The following PCDH10 variants were observed in gnomAD, a reference collection of about 807,000 sequenced individuals.
The protein encoded by PCDH10 is protocadherin-10.
In PCDH10, 15 loss-of-function variants were observed where a neutral mutation model predicts 74.4. The ratio of observed to expected loss-of-function variants is 0.20; its 90% CI spans 0.13 to 0.31. The LOEUF is 0.31. Ranked by LOEUF, PCDH10 falls within the 10% of genes least tolerant of loss-of-function variation. PCDH10 has a pLI of 1.00. For missense variants in PCDH10, 1,260 were observed against 1,390.2 expected, an observed-to-expected ratio of 0.91 and a Z score of 1.49; for synonymous variants, 619 against 589.8, an observed-to-expected ratio of 1.05 and a Z score of -0.72.
At chr4:133,157,657 A>C (rs1421328970) in intron 3 of PCDH10, among the ~76,000 whole-genome samples, 1 of 152,170 alleles carries the variant, frequency 6.6e-6, no homozygotes. Flanking sequence ...CATATTCCAC[A>C]CTATAGTGTA....
intron 3 of PCDH10, among the ~76,000 whole-genome samples, chr4:133,160,781 A>C (rs772628258): frequency 2.0e-5 from 3 of 151,830 alleles, no homozygotes; most frequent in Non-Finnish European, 4.4e-5. Flanking sequence ...TATTAGTTCT[A>C]ATGTATATTG....
Position 133,150,647 on chromosome 4 carries a change from G to A in PCDH10, c.507G>A (p.Leu169=). ...TCACCCCCAACAGCTACTTCTCCCT[G>A]GACGTGCAGACCCAGGGGGATGGCA... ...YEITPNSYFS[L]DVQTQGDGNR... Residue 169 remains leucine, a synonymous_variant, in exon 1 of 5, where the codon CTG becomes CTA. Transcript: ENST00000264360. 1 of 1,613,238 alleles carries A rather than the reference G, an allele frequency of 6.2e-7. No individual in the cohort carries two copies. Among genetic ancestry groups the A allele is most frequent in the Non-Finnish European group, 8.5e-7 (1 of 1,179,984 alleles).
chr4:133,180,457 A>C lies in PCDH10; in HGVS notation c.3104-9684A>C, dbSNP rs148366431. Among the ~76,000 whole-genome samples the C allele has an allele frequency of 1.0e-3, 152 of 152,084 alleles. No homozygotes were observed. In the Middle Eastern group the frequency reaches 0.014, roughly 14 times the overall value. On this transcript the variant is annotated intron_variant, in intron 4 of 4. Transcript: ENST00000264360. ...GCATAAGTTATATTTGTTTTATGGC[A>C]TTGTAGTAATGAATGGGTACATCAG...
In PCDH10 at chr4:133,193,786, A is replaced by T. The variant is rs942076419; in HGVS notation, c.*3626A>T. 2.4e-4 allele frequency: 37 copies of T among 151,702 alleles called. No homozygotes were observed. Among genetic ancestry groups the T allele is most frequent in the African/African-American group, 8.9e-4 (37 of 41,416 alleles). The allele number at this position is 151,702 out of a possible 1,614,324, so 9.4% of individuals were successfully genotyped here. ...ACTTGATGATTTTTCTGAAAATCTT[A>T]TATTTTTCATATTACAAATTCTTGA... On this transcript the variant is annotated 3_prime_UTR_variant, in exon 5 of 5. Transcript: ENST00000264360.
chr4:133,152,205 G>C lies in PCDH10; in HGVS notation c.2065G>C (p.Gly689Arg). ...VDGAVEPQGGGGSGGGGSGEH... is the reference protein window; with the variant it reads ...VDGAVEPQGGRGSGGGGSGEH... ...TGGCGCCGTGGAGCCCCAGGGCGGG[G>C]GCGGGAGCGGAGGCGGAGGGTCAGG... The change falls in exon 1 of 5, where the codon GGC becomes CGC. Residue 689 changes from glycine to arginine, a missense_variant. Transcript: ENST00000264360. 6.3e-7 allele frequency: 1 copy of C among 1,584,388 alleles called. No homozygotes were observed. The highest frequency in any genetic ancestry group is 8.6e-7 in the Non-Finnish European group (1 of 1,165,260).
intron 4 of PCDH10, among the ~76,000 whole-genome samples, chr4:133,179,404 A>G (rs1727362686): frequency 6.6e-6 from 1 of 152,098 alleles, no homozygotes; most frequent in Admixed American, 6.6e-5. Context: ...GTTTTTAAAG[A>G]CTTTTATACT....
Position 133,151,221 on chromosome 4 carries a change from A to G in PCDH10, c.1081A>G (p.Ser361Gly). ...ANDNAPEISF[S>G]TVKEAVSEGA... ...TGACAACGCGCCAGAGATCAGCTTC[A>G]GCACCGTGAAGGAAGCGGTGAGTGA... The change falls in exon 1 of 5, where the codon AGC (serine) becomes GGC (glycine). Residue 361 changes from serine (S) to glycine (G), a missense_variant. This residue lies in a region of PCDH10 where 112 missense variants were observed against 123.6 expected (regional missense o/e 0.91). Coordinates refer to ENST00000264360, the MANE Select transcript of PCDH10 (RefSeq NM_032961.3). The G allele has an allele frequency of 6.2e-7, 1 of 1,613,934 alleles. No individual in the cohort carries two copies. Among genetic ancestry groups the G allele is most frequent in the Non-Finnish European group, 8.5e-7 (1 of 1,179,988 alleles).
chr4:133,197,276 A>G (rs1242360955), downstream of PCDH10, among the ~76,000 whole-genome samples: 1 of 152,190 alleles, frequency 6.6e-6, no homozygotes, highest in Non-Finnish European at 1.5e-5. Context: ...GAAATACTGC[A>G]TATTTGACAG....
At chr4:133,173,876 A>G (rs1727244160) in intron 4 of PCDH10, among the ~76,000 whole-genome samples, 1 of 151,880 alleles carries the variant, frequency 6.6e-6, no homozygotes, top group Admixed American at 6.6e-5. Context: ...TCAAATATAT[A>G]CACATCTAAT....
At chr4:133,162,915 C>A in intron 3 of PCDH10, 62 bp from the exon 4 acceptor site, 1 of 1,399,554 alleles carries the variant, frequency 7.1e-7, no homozygotes, top group South Asian at 1.3e-5. Flanking sequence ...TAATCTTACA[C>A]TGCTAAGTAA....
intron 4 of PCDH10, among the ~76,000 whole-genome samples, chr4:133,183,320 A>T (rs996194638): frequency 6.6e-6 from 1 of 151,980 alleles, no homozygotes; most frequent in East Asian, 1.9e-4. Context: ...CTGTTACCTT[A>T]TGAGAAGGTA....
intron 2 of PCDH10, among the ~76,000 whole-genome samples, chr4:133,200,452 A>G (rs973395237): frequency 8.5e-5 from 13 of 152,148 alleles, no homozygotes; most frequent in Non-Finnish European, 1.5e-4. Context: ...AGATGTAACT[A>G]TTGTAAAAGA....
At chr4:133,169,087 G>A (rs1191742207) in intron 4 of PCDH10, among the ~76,000 whole-genome samples, 1 of 151,524 alleles carries the variant, frequency 6.6e-6, no homozygotes. Context: ...GAGTTAAATT[G>A]TTTCATATTT....
rs1348241878 is a variant in PCDH10, at chr4:133,188,379, C to T, written c.3104-1762C>T. Among the ~76,000 whole-genome samples, 9 of 152,088 alleles carry T rather than the reference C, an allele frequency of 5.9e-5. No individual in the cohort carries two copies. The East Asian group carries it at 1.7e-3, about 29-fold the overall frequency. On this transcript the variant is annotated intron_variant, in intron 4 of 4. Transcript: ENST00000264360. ...GTAAACAAATTTGTTTGAATTATTTCACATATAAGTTTCTCATGAAACAGT... is the reference window on the plus strand; with the variant it reads ...GTAAACAAATTTGTTTGAATTATTTTACATATAAGTTTCTCATGAAACAGT...
Position 133,149,993 on chromosome 4 carries a change from T to G in PCDH10, c.-148T>G. ...AAGCTCTAAAATGAAGCAAAAGGAG[T>G]AAGATTTTTAAAGACAGAAAGCCAC... On this transcript the variant is annotated 5_prime_UTR_variant, in exon 1 of 5. The change abolishes the stop of an existing upstream ORF in the 5' untranslated region. Coordinates refer to ENST00000264360, the MANE Select transcript of PCDH10 (RefSeq NM_032961.3). 9 of 1,155,180 alleles carry G rather than the reference T, an allele frequency of 7.8e-6. No homozygotes were observed. The highest frequency in any genetic ancestry group is 1.0e-5 in the Non-Finnish European group (9 of 873,184). 71.6% of individuals were successfully genotyped at this position (1,155,180 alleles called of 1,614,324 possible). A position where few individuals can be genotyped will look rare whatever the true frequency, so the allele number is the denominator to read the frequency against.
At position 133,152,215 on chromosome 4, in the gene PCDH10, G is replaced by A. The variant is rs1726729068; in HGVS notation, c.2075G>A (p.Gly692Glu). The change falls in exon 1 of 5, where the codon GGA (glycine) becomes GAA (glutamate). Residue 692 changes from glycine (G) to glutamate (E), a missense_variant. This residue lies in a region of PCDH10 where 587 missense variants were observed against 616.9 expected (regional missense o/e 0.95). Transcript: ENST00000264360. ...GAGCCCCAGGGCGGGGGCGGGAGCGGAGGCGGAGGGTCAGGAGAGCACCAG... is the reference window on the plus strand; with the variant it reads ...GAGCCCCAGGGCGGGGGCGGGAGCGAAGGCGGAGGGTCAGGAGAGCACCAG... ...AVEPQGGGGS[G>E]GGGSGEHQRP... 1 of 1,590,110 alleles carries A rather than the reference G, an allele frequency of 6.3e-7. No homozygotes were observed. Among genetic ancestry groups the A allele is most frequent in the Non-Finnish European group, 8.6e-7 (1 of 1,167,780 alleles).
Position 133,150,230 on chromosome 4 carries a change from T to A in PCDH10, c.90T>A (p.His30Gln), listed in dbSNP as rs1726627655. ...LHYTVQEEQEHGTFVGNIAED... is the reference protein window; with the variant it reads ...LHYTVQEEQEQGTFVGNIAED... ...ACACGGTACAGGAGGAGCAGGAACA[T>A]GGCACTTTCGTGGGGAATATCGCTG... The change falls in exon 1 of 5, where the codon CAT becomes CAA. Residue 30 changes from histidine (H) to glutamine (Q), a missense_variant. His to Gln is a conservative substitution (Grantham distance 24). Around this residue, in one of 11 missense-constraint regions of PCDH10, gnomAD observed 103 missense variants for 91.5 expected, o/e 1.13. Coordinates refer to ENST00000264360, the MANE Select transcript of PCDH10 (RefSeq NM_032961.3). The A allele has an allele frequency of 3.7e-6, 6 of 1,613,742 alleles. No individual in the cohort carries two copies. The highest frequency in any genetic ancestry group is 2.2e-5 in the South Asian group (2 of 91,036).
chr4:133,167,642 A>G (rs2125865181), intron 4 of PCDH10, among the ~76,000 whole-genome samples: 1 of 151,550 alleles, frequency 6.6e-6, no homozygotes. Flanking sequence ...ATTTCTGATT[A>G]GTTCTCTTCC....
chr4:133,179,809 G>A (rs1008476817), intron 4 of PCDH10, among the ~76,000 whole-genome samples: 1 of 151,936 alleles, frequency 6.6e-6, no homozygotes, highest in African/African-American at 2.4e-5. Flanking sequence ...CAAAGTAGAC[G>A]CTCATAAATG....
Sources: gnomAD v4.1 joint callset for allele counts (sites outside exome capture counted in the v4.1 genomes callset) on GRCh38, gnomAD v4.1.1 for gene constraint, gnomAD v4.1.1 regional missense constraint, MANE v1.5 for transcripts, NCBI Gene and HGNC (gene_info 2026-07-23, HGNC 2026-07-21) for gene names.